Variants in SEMA5A observed in about 807,000 individuals in gnomAD.
The protein encoded by SEMA5A is semaphorin-5A.
Under a neutral mutation model 135.5 loss-of-function variants are expected in SEMA5A, and 55 were observed. That is an observed-to-expected ratio of 0.41 (90% CI 0.33 to 0.51). SEMA5A has a LOEUF of 0.51. Among genes scored for constraint, SEMA5A ranks in the 20% least tolerant of loss-of-function variants. SEMA5A has a pLI of 0.37. For missense variants in SEMA5A, 1,290 were observed against 1,419.9 expected, an observed-to-expected ratio of 0.91 and a Z score of 1.47; for synonymous variants, 580 against 546.5, an observed-to-expected ratio of 1.06 and a Z score of -0.85.
chr5:9,528,582 G>A (rs1385180875), intron 1 of SEMA5A, among the ~76,000 whole-genome samples: 1 of 152,114 alleles, frequency 6.6e-6, no homozygotes, highest in African/African-American at 2.4e-5. Context: ...AGCCTTTAAA[G>A]GGCCTAGAAA....
At position 9,252,276 on chromosome 5, in the gene SEMA5A, G is replaced by A. The variant is rs1247695865; in HGVS notation, c.271-14386C>T. ...TCAACCCAGTTGTTATGATTTCAGT[G>A]CTGATTTCACAAAGTCATCGATTCG... is the stretch of plus-strand genomic sequence containing the variant. On this transcript the variant is annotated intron_variant, in intron 5 of 22. Transcript: ENST00000382496. 2.0e-5 allele frequency among the ~76,000 whole-genome samples: 3 copies of A among 152,158 alleles called. No homozygotes were observed. In the East Asian group the frequency reaches 5.8e-4, roughly 29 times the overall value.
chr5:9,283,762 C>T (rs1282707212), intron 5 of SEMA5A, among the ~76,000 whole-genome samples: 5 of 152,120 alleles, frequency 3.3e-5, no homozygotes, highest in Admixed American at 6.5e-5. Context: ...TAACCAAATG[C>T]CCCAACACAG....
intron 4 of SEMA5A, among the ~76,000 whole-genome samples, chr5:9,326,436 T>G (rs1010849081): frequency 6.6e-6 from 1 of 152,052 alleles, no homozygotes; most frequent in Non-Finnish European, 1.5e-5. Flanking sequence ...GTGTTTTTAG[T>G]AGAGATGGGG....
chr5:9,050,499 C>T, intron 20 of SEMA5A, 42 bp from the exon 21 acceptor site: 16 of 1,544,830 alleles, frequency 1.0e-5, no homozygotes, highest in Non-Finnish European at 1.4e-5. Context: ...AAAAGGTGTT[C>T]AGAAGACAGT....
chr5:9,537,152 A>C (rs1338624829), intron 1 of SEMA5A, among the ~76,000 whole-genome samples: 1 of 152,240 alleles, frequency 6.6e-6, no homozygotes. Flanking sequence ...ACATAATTCT[A>C]TACATAACAC....
At chr5:9,142,553 A>G (rs1032731754) in intron 12 of SEMA5A, among the ~76,000 whole-genome samples, 4 of 152,254 alleles carry the variant, frequency 2.6e-5, no homozygotes, top group Non-Finnish European at 4.4e-5. Flanking sequence ...TGATTGTGGT[A>G]GTGATCAAAC....
chr5:9,443,944 A>G (rs948081075), intron 1 of SEMA5A, among the ~76,000 whole-genome samples: 26 of 152,222 alleles, frequency 1.7e-4, no homozygotes, highest in African/African-American at 6.3e-4. Context: ...CACTCTTACC[A>G]TGGTCCAGGG....
intron 2 of SEMA5A, among the ~76,000 whole-genome samples, chr5:9,434,795 C>G (rs756991635): frequency 2.0e-5 from 3 of 152,126 alleles, no homozygotes; most frequent in Non-Finnish European, 4.4e-5. Context: ...ACCTAGGGGC[C>G]AGTGCTCCTT....
chr5:9,170,728 A>C (rs1743872312), intron 11 of SEMA5A, among the ~76,000 whole-genome samples: 2 of 152,194 alleles, frequency 1.3e-5, no homozygotes, highest in South Asian at 4.1e-4. Flanking sequence ...TCCTGATTTC[A>C]TGGCTTTTCA....
At chr5:9,445,392 G>A (rs533594141) in intron 1 of SEMA5A, among the ~76,000 whole-genome samples, 37 of 151,962 alleles carry the variant, frequency 2.4e-4, no homozygotes, top group Non-Finnish European at 4.4e-4. Flanking sequence ...AAAGTGGGCC[G>A]GGCACGGTGG....
intron 8 of SEMA5A, among the ~76,000 whole-genome samples, chr5:9,207,520 C>A (rs1746098286): frequency 6.6e-6 from 1 of 152,044 alleles, no homozygotes; most frequent in South Asian, 2.1e-4. Context: ...AGCTATTTCA[C>A]AAAAATAAGA....
At position 9,274,815 on chromosome 5, in the gene SEMA5A, G is replaced by C. The variant is rs180935581; in HGVS notation, c.271-36925C>G. On this transcript the variant is annotated intron_variant, in intron 5 of 22. Transcript: ENST00000382496. The stretch of plus-strand genomic sequence containing the variant: ...AAAGACACAATGTACCAGAATCTCT[G>C]GGACACATTTAAAGCAGTGGGTAGA... Among the ~76,000 whole-genome samples the C allele has an allele frequency of 2.8e-3, 433 of 152,252 alleles. 1 individual carries two copies. The highest frequency in any genetic ancestry group is 9.9e-3 in the African/African-American group (410 of 41,572).
chr5:9,227,391 G>A (rs551174600), intron 6 of SEMA5A, among the ~76,000 whole-genome samples: 3 of 152,284 alleles, frequency 2.0e-5, no homozygotes, highest in South Asian at 2.1e-4. Flanking sequence ...GATGTCGCTC[G>A]GGAAGCAGTG....
intron 3 of SEMA5A, among the ~76,000 whole-genome samples, chr5:9,342,541 G>A (rs946736539): frequency 1.3e-5 from 2 of 152,146 alleles, no homozygotes; most frequent in African/African-American, 4.8e-5. Flanking sequence ...AGGGGACGGT[G>A]GGTAAAGATT....
chr5:9,508,854 T>C (rs908518545), intron 1 of SEMA5A, among the ~76,000 whole-genome samples: 1 of 152,160 alleles, frequency 6.6e-6, no homozygotes, highest in African/African-American at 2.4e-5. Context: ...CACTGTATTC[T>C]CAGTACCTAT....
rs1233103874 is a variant in SEMA5A, at chr5:9,144,370, A to G, written c.1482-7749T>C. ...CATTTTAATTTTTACTCAAAACCTT[A>G]AAAGGGCATAAGTCCAGAGGGGAAA... On this transcript the variant is annotated intron_variant, in intron 12 of 22. Coordinates refer to ENST00000382496, the MANE Select transcript of SEMA5A (RefSeq NM_003966.3). Among the ~76,000 whole-genome samples the G allele has an allele frequency of 2.0e-5, 3 of 152,354 alleles. No individual in the cohort carries two copies. The South Asian group carries it at 6.2e-4, about 32-fold the overall frequency.
chr5:9,522,491 G>A (rs1429035943), intron 1 of SEMA5A, among the ~76,000 whole-genome samples: 4 of 152,270 alleles, frequency 2.6e-5, no homozygotes, highest in East Asian at 3.9e-4. Context: ...GCTGAGGCAG[G>A]AGAATCGCTT....
chr5:9,039,214 C>T lies in SEMA5A; in HGVS notation c.*3683G>A, dbSNP rs982043847. On this transcript the variant is annotated 3_prime_UTR_variant, in exon 23 of 23. Transcript: ENST00000382496. ...ATCCTGGCAGAGTCCAAGGGTCAGA[C>T]CCATGGACCTGTGAAGTGGGCAACC... is the stretch of plus-strand genomic sequence containing the variant. The T allele has an allele frequency of 2.0e-5, 3 of 152,428 alleles. No homozygotes were observed. The highest frequency in any genetic ancestry group is 2.4e-5 in the African/African-American group (1 of 41,600). The allele number at this position is 152,428 out of a possible 1,614,324, so 9.4% of individuals were successfully genotyped here. A position where few individuals can be genotyped will look rare whatever the true frequency, so the allele number is the denominator to read the frequency against.
intron 5 of SEMA5A, chr5:9,280,935 C>A: frequency 5.1e-6 from 1 of 196,786 alleles, no homozygotes. Flanking sequence ...TAACCCAATT[C>A]TTCATTAATA....
Sources: gnomAD v4.1 joint callset for allele counts (sites outside exome capture counted in the v4.1 genomes callset) on GRCh38, gnomAD v4.1.1 for gene constraint, MANE v1.5 for transcripts, NCBI Gene and HGNC (gene_info 2026-07-23, HGNC 2026-07-21) for gene names.